The following C6orf118 variants were observed in gnomAD, a reference collection of about 807,000 sequenced individuals.
C6orf118 encodes chromosome 6 open reading frame 118, also known as uncharacterized protein C6orf118.
A neutral mutation model predicts 50.2 loss-of-function variants in C6orf118; 50 were observed. That is an observed-to-expected ratio of 1.00 (90% CI 0.79 to 1.26). The LOEUF (loss-of-function observed/expected upper bound fraction) is 1.26, where lower values mean the gene tolerates loss of function less well. Ranked by LOEUF, C6orf118 falls within the 50% of genes most tolerant of loss-of-function variation. The pLI is 0.00. For synonymous variants in C6orf118, 239 were observed against 230.9 expected (o/e 1.03, Z -0.32); for missense variants, 641 against 578.7 (o/e 1.11, Z -1.10).
At position 165,309,600 on chromosome 6, in the gene C6orf118, C is replaced by A. The variant is rs754593539; in HGVS notation, c.-14G>T. On this transcript the variant is annotated 5_prime_UTR_variant, in exon 1 of 9. Coordinates refer to ENST00000230301, the MANE Select transcript of C6orf118 (RefSeq NM_144980.4). Reference sequence around the variant, plus strand: ...CTCCTCCGCCATCGCTTCCTTCCCTCCAGCTGCCTGGGCTGGGCTGTCGCC... The same window carrying A: ...CTCCTCCGCCATCGCTTCCTTCCCTACAGCTGCCTGGGCTGGGCTGTCGCC... 2 of 1,614,064 alleles carry A rather than the reference C, an allele frequency of 1.2e-6. No homozygotes were observed. Among genetic ancestry groups the A allele is most frequent in the South Asian group, 2.2e-5 (2 of 91,080 alleles).
At chr6:165,297,882 G>C in intron 5 of C6orf118, 95 bp downstream of exon 5, 2 of 1,558,002 alleles carry the variant, frequency 1.3e-6, no homozygotes, top group South Asian at 1.1e-5. Flanking sequence ...TTTCAGCAAC[G>C]CAGAAATCAA....
Position 165,279,901 on chromosome 6 carries a change from TCCTGAGTAGG to T in C6orf118, c.*146_*155del, listed in dbSNP as rs1298153102. 6.0e-6 allele frequency: 4 copies of T among 666,392 alleles called. No individual in the cohort carries two copies. The African/African-American group carries it at 7.5e-5, about 13-fold the overall frequency. 41.3% of individuals were successfully genotyped at this position (666,392 alleles called of 1,614,324 possible). A position where few individuals can be genotyped will look rare whatever the true frequency, so the allele number is the denominator to read the frequency against. On this transcript the variant is annotated 3_prime_UTR_variant, in exon 9 of 9. Transcript: ENST00000230301. ...GTGTACGCATGTGTGTATTTCAGTA[TCCTGAGTAGG>T]ATACATATACCACATTAATTTTACT...
rs536291949 is a variant in C6orf118, at chr6:165,299,155, T to C, written c.936+288A>G. Among the ~76,000 whole-genome samples, 6 of 152,308 alleles carry C rather than the reference T, an allele frequency of 3.9e-5. No homozygotes were observed. The East Asian group carries it at 1.2e-3, about 29-fold the overall frequency. On this transcript the variant is annotated intron_variant, in intron 4 of 8. Transcript: ENST00000230301. ...CGCCAGGACAATGGCTGGACAGTGG[T>C]TTTTGGAAATTACTGGAAGAGAACC...
chr6:165,297,943 T>G (rs1267850765), intron 5 of C6orf118, 34 bp downstream of exon 5: 1 of 1,612,676 alleles, frequency 6.2e-7, no homozygotes, highest in Non-Finnish European at 8.5e-7. Flanking sequence ...CGGAAGAATC[T>G]AAACATAGAT....
intron 2 of C6orf118, among the ~76,000 whole-genome samples, 190 bp downstream of exon 2, chr6:165,301,379 A>ACACTGCACCGAGAG (rs1173728157): frequency 7.0e-6 from 1 of 143,772 alleles, no homozygotes; most frequent in African/African-American, 2.6e-5. Context: ...TGCACCGAGA[A>ACACTGCACCGAGAG]CACTGCACCG....
intron 5 of C6orf118, among the ~76,000 whole-genome samples, chr6:165,295,757 C>T (rs1205937763): frequency 6.6e-6 from 1 of 151,810 alleles, no homozygotes; most frequent in African/African-American, 2.4e-5. Context: ...CCCTGATTTT[C>T]CTTTTTATAG....
At chr6:165,300,546 A>T (rs185314117) in intron 2 of C6orf118, 60 bp from the exon 3 acceptor site, 21 of 1,543,012 alleles carry the variant, frequency 1.4e-5, no homozygotes, top group Middle Eastern at 2.0e-4. Flanking sequence ...CCAGAACCGA[A>T]TTTCTCAGGA....
At position 165,301,715 on chromosome 6, in the gene C6orf118, T is replaced by C. The variant is rs1780547176; in HGVS notation, c.607A>G (p.Ser203Gly). Residue 203 changes from serine (S) to glycine (G), a missense_variant, in exon 2 of 9, where the codon AGC becomes GGC. Physicochemically the swap from Ser to Gly is moderately conservative, Grantham distance 56. Transcript: ENST00000230301. The stretch of plus-strand genomic sequence containing the variant: ...CTGGTGGCTCCGGCCAGGTAGGAGC[T>C]GACATAGTGGTGCCGGTCCCTGGTG... ...RGTRDRHHYV[S>G]SYLAGATSAD... 6.2e-7 allele frequency: 1 copy of C among 1,614,162 alleles called. No homozygotes were observed. Among genetic ancestry groups the C allele is most frequent in the Middle Eastern group, 1.6e-4 (1 of 6,062 alleles).
chr6:165,299,423 T>C lies in C6orf118; in HGVS notation c.936+20A>G, dbSNP rs779587325. 9 of 1,612,388 alleles carry C rather than the reference T, an allele frequency of 5.6e-6. No homozygotes were observed. The highest frequency in any genetic ancestry group is 7.6e-6 in the Non-Finnish European group (9 of 1,178,590). ...ATGGATAAGCAGGCTCTATTCAGGC[T>C]CTTTGTGATCGATCGTCACCTCGTA... On this transcript the variant is annotated intron_variant, in intron 4 of 8. Coordinates refer to ENST00000230301, the MANE Select transcript of C6orf118 (RefSeq NM_144980.4).
chr6:165,297,937 A>T (rs1663746149), intron 5 of C6orf118, 40 bp downstream of exon 5: 1 of 1,612,100 alleles, frequency 6.2e-7, no homozygotes, highest in South Asian at 1.1e-5. Context: ...TTGTTACGGA[A>T]GAATCTAAAC....
chr6:165,284,137 A>T (rs1412915249), intron 7 of C6orf118, among the ~76,000 whole-genome samples: 1 of 152,188 alleles, frequency 6.6e-6, no homozygotes, highest in Non-Finnish European at 1.5e-5. Flanking sequence ...AATATAAATG[A>T]CCTGATGGAG....
At chr6:165,302,459 G>A (rs1300171893) in intron 1 of C6orf118, among the ~76,000 whole-genome samples, 163 bp from the exon 2 acceptor site, 5 of 152,130 alleles carry the variant, frequency 3.3e-5, no homozygotes, top group Admixed American at 6.5e-5. Context: ...AGGCACCCGT[G>A]CCCGGCCCAG....
At chr6:165,298,326 T>C (rs963728461) in intron 4 of C6orf118, among the ~76,000 whole-genome samples, 1 of 152,244 alleles carries the variant, frequency 6.6e-6, no homozygotes, top group Admixed American at 6.5e-5. Flanking sequence ...GTTAAAAGTT[T>C]ATTTTTCTAA....
intron 7 of C6orf118, among the ~76,000 whole-genome samples, chr6:165,288,920 A>G (rs1196761279): frequency 6.6e-6 from 1 of 152,164 alleles, no homozygotes; most frequent in Admixed American, 6.6e-5. Flanking sequence ...CATCCTGCAC[A>G]TGTACCCTGG....
intron 7 of C6orf118, among the ~76,000 whole-genome samples, chr6:165,286,629 C>A (rs944245626): frequency 2.0e-5 from 3 of 152,010 alleles, no homozygotes; most frequent in South Asian, 4.1e-4. Context: ...TTGACATACA[C>A]AAATCGGTAA....
intron 2 of C6orf118, among the ~76,000 whole-genome samples, chr6:165,300,843 A>C (rs1780501889): frequency 6.6e-6 from 1 of 151,840 alleles, no homozygotes; most frequent in Non-Finnish European, 1.5e-5. Context: ...TCTTTCGTGC[A>C]TCGTCCCCAT....
At position 165,297,993 on chromosome 6, in the gene C6orf118, G is replaced by C. The variant is rs1390427985; in HGVS notation, c.1045C>G (p.Leu349Val). ...RMLVTATKAA[L>V]EQNDRLRSEL... ...ATGCCTCACCTATCATTCTGCTCCA[G>C]GGCTGCTTTTGTGGCTGTCACGAGC... The change falls in exon 5 of 9, where the codon CTG (leucine) becomes GTG (valine). Residue 349 changes from leucine to valine, a missense_variant. Physicochemically the swap from Leu to Val is conservative, Grantham distance 32. Coordinates refer to ENST00000230301, the MANE Select transcript of C6orf118 (RefSeq NM_144980.4). The C allele has an allele frequency of 6.2e-7, 1 of 1,613,916 alleles. No homozygotes were observed. Among genetic ancestry groups the C allele is most frequent in the Admixed American group, 1.7e-5 (1 of 60,022 alleles).
chr6:165,296,624 C>T (rs1451725192), intron 5 of C6orf118, among the ~76,000 whole-genome samples: 16 of 152,112 alleles, frequency 1.1e-4, no homozygotes, highest in Non-Finnish European at 1.5e-5. Context: ...GCTTGGGTCC[C>T]GCTCTGGACC....
intron 1 of C6orf118, among the ~76,000 whole-genome samples, chr6:165,306,642 G>T (rs1227187090): frequency 5.3e-5 from 8 of 151,022 alleles, no homozygotes; most frequent in Admixed American, 1.3e-4. Context: ...GCTCTAAAAG[G>T]CACCTTGTAC....
Sources: gnomAD v4.1 joint callset for allele counts (sites outside exome capture counted in the v4.1 genomes callset) on GRCh38, gnomAD v4.1.1 for gene constraint, MANE v1.5 for transcripts, NCBI Gene and HGNC (gene_info 2026-07-23, HGNC 2026-07-21) for gene names.